The following TLL1 variants were observed in gnomAD, a reference collection of about 807,000 sequenced individuals.
TLL1 encodes the protein tolloid like 1.
In TLL1, 49 loss-of-function variants were observed where a neutral mutation model predicts 128.2. That is an observed-to-expected ratio of 0.38 (90% CI 0.30 to 0.48). The LOEUF (loss-of-function observed/expected upper bound fraction) is 0.48, where lower values mean the gene tolerates loss of function less well. Among genes scored for constraint, TLL1 ranks in the 20% least tolerant of loss-of-function variants. The pLI is 0.96. For synonymous variants in TLL1, 454 were observed against 418.8 expected, an observed-to-expected ratio of 1.08 and a Z score of -1.03; for missense variants, 1,123 against 1,242.0, an observed-to-expected ratio of 0.90 and a Z score of 1.44.
chr4:166,075,187 G>A (rs942249834), intron 17 of TLL1, among the ~76,000 whole-genome samples, 184 bp downstream of exon 17: 14 of 152,132 alleles, frequency 9.2e-5, no homozygotes, highest in African/African-American at 2.9e-4. Flanking sequence ...TCTGTACTTC[G>A]CACATAGATG....
intron 1 of TLL1, among the ~76,000 whole-genome samples, chr4:165,906,667 T>A (rs1284197234): frequency 2.0e-5 from 3 of 152,130 alleles, no homozygotes; most frequent in African/African-American, 7.2e-5. Flanking sequence ...TTATTGCAGT[T>A]TTTCAGGCTC....
At chr4:166,085,695 G>T (rs1294446829) in intron 18 of TLL1, among the ~76,000 whole-genome samples, 2 of 151,888 alleles carry the variant, frequency 1.3e-5, no homozygotes, top group Admixed American at 6.6e-5. Flanking sequence ...TTTTGTTGAA[G>T]GCTTTTCATC....
intron 1 of TLL1, among the ~76,000 whole-genome samples, chr4:165,940,618 A>C (rs187950848): frequency 6.6e-6 from 1 of 152,096 alleles, no homozygotes; most frequent in Non-Finnish European, 1.5e-5. Context: ...TTAATTGTTC[A>C]AAAAAATGTT....
rs1014504892 is a variant in TLL1, at chr4:165,873,711, G to A, written c.-194G>A. Reference sequence around the variant, plus strand: ...AGCCAACTTCTCCCTGCGACTGGGGGTAACAGGCAGTGCTTGCCCTCTCTA... The same window carrying A: ...AGCCAACTTCTCCCTGCGACTGGGGATAACAGGCAGTGCTTGCCCTCTCTA... On this transcript the variant is annotated 5_prime_UTR_variant, in exon 1 of 21. Coordinates refer to ENST00000061240, the MANE Select transcript of TLL1 (RefSeq NM_012464.5). The A allele has an allele frequency of 1.5e-5, 9 of 588,122 alleles. No individual in the cohort carries two copies. The highest frequency in any genetic ancestry group is 9.1e-4 in the Middle Eastern group (2 of 2,202). The allele number at this position is 588,122 out of a possible 1,614,324, so 36.4% of individuals were successfully genotyped here. A position where few individuals can be genotyped will look rare whatever the true frequency, so the allele number is the denominator to read the frequency against.
At chr4:166,071,925 G>A (rs527320507) in intron 16 of TLL1, among the ~76,000 whole-genome samples, 2 of 152,004 alleles carry the variant, frequency 1.3e-5, no homozygotes, top group African/African-American at 4.8e-5. Flanking sequence ...CTACTCCGCA[G>A]ACAAATTAAA....
chr4:165,891,971 A>G (rs1395050541), intron 1 of TLL1, among the ~76,000 whole-genome samples: 1 of 152,220 alleles, frequency 6.6e-6, no homozygotes, highest in Non-Finnish European at 1.5e-5. Context: ...TAATTTGTAA[A>G]GGAAAGAGGT....
At chr4:166,070,074 A>T in intron 16 of TLL1, among the ~76,000 whole-genome samples, 1 of 151,864 alleles carries the variant, frequency 6.6e-6, no homozygotes, top group East Asian at 1.9e-4. Context: ...TATATAGTCC[A>T]ACAATAGATT....
chr4:165,982,773 T>C (rs558216162), intron 1 of TLL1, among the ~76,000 whole-genome samples: 2 of 150,798 alleles, frequency 1.3e-5, no homozygotes, highest in African/African-American at 4.9e-5. Context: ...TGAACTGTCT[T>C]ACTTCCAGAA....
intron 1 of TLL1, among the ~76,000 whole-genome samples, chr4:165,898,856 C>T (rs1442268629): frequency 6.6e-6 from 1 of 152,080 alleles, no homozygotes; most frequent in Admixed American, 6.6e-5. Flanking sequence ...TCTGTCTGGT[C>T]CTGGGCTTTT....
At chr4:166,026,579 C>G (rs1413781762) in intron 9 of TLL1, among the ~76,000 whole-genome samples, 1 of 152,022 alleles carries the variant, frequency 6.6e-6, no homozygotes, top group Non-Finnish European at 1.5e-5. Flanking sequence ...CCCAGCTTCT[C>G]GAGAGGATGA....
intron 10 of TLL1, 139 bp downstream of exon 10, chr4:166,039,580 C>A (rs530729532): frequency 3.9e-5 from 26 of 668,438 alleles, no homozygotes; most frequent in East Asian, 3.3e-4. Context: ...ATACTTTTTT[C>A]AACCATACCA....
intron 5 of TLL1, 75 bp from the exon 6 acceptor site, chr4:166,003,316 A>G (rs2111033613): frequency 6.7e-7 from 1 of 1,495,708 alleles, no homozygotes; most frequent in Non-Finnish European, 9.3e-7. Context: ...ACTATTCTTT[A>G]CAAAAAATTC....
rs74709306 is a variant in TLL1, at chr4:165,960,038, A to C, written c.170-29343A>C. Among the ~76,000 whole-genome samples the C allele has an allele frequency of 5.2e-3, 791 of 152,258 alleles. 12 individuals are homozygous for C. The highest frequency in any genetic ancestry group is 0.018 in the African/African-American group (736 of 41,568). ...GACCCAAAAATCCATACAGAAGTTC[A>C]GCAAAATCAAGTTGGTTGTTTGAAA... On this transcript the variant is annotated intron_variant, in intron 1 of 20. Coordinates refer to ENST00000061240, the MANE Select transcript of TLL1 (RefSeq NM_012464.5).
rs1740223543 is a variant in TLL1, at chr4:166,059,936, G to T, written c.1847-92G>T. The T allele has an allele frequency of 2.8e-6, 4 of 1,449,014 alleles. No homozygotes were observed. The Admixed American group carries it at 6.7e-5, about 24-fold the overall frequency. 89.8% of individuals were successfully genotyped at this position (1,449,014 alleles called of 1,614,324 possible). A position where few individuals can be genotyped will look rare whatever the true frequency, so the allele number is the denominator to read the frequency against. ...ATCCAGAAGATAGTTGAAATTTAGT[G>T]CTGAGATGTTTGGGTATTAATTAAT... On this transcript the variant is annotated intron_variant, in intron 14 of 20. Transcript: ENST00000061240.
intron 18 of TLL1, among the ~76,000 whole-genome samples, chr4:166,080,851 T>C (rs1246614323): frequency 1.3e-5 from 2 of 152,150 alleles, no homozygotes; most frequent in African/African-American, 4.8e-5. Flanking sequence ...TATTTTACCC[T>C]TACCTTCTCT....
At chr4:166,065,919 T>G in intron 16 of TLL1, 56 bp downstream of exon 16, 1 of 1,223,570 alleles carries the variant, frequency 8.2e-7, no homozygotes, top group East Asian at 3.6e-5. Context: ...GTGGGTTGGA[T>G]TAAATTGTAT....
intron 2 of TLL1, among the ~76,000 whole-genome samples, 186 bp from the exon 3 acceptor site, chr4:165,992,618 T>C (rs543241318): frequency 2.6e-5 from 4 of 152,078 alleles, no homozygotes; most frequent in Admixed American, 6.6e-5. Context: ...CCCCTTATTT[T>C]AGTTACCAAC....
rs771556792 is a variant in TLL1, at chr4:166,099,511, G to A, written c.2891G>A (p.Arg964Gln). The A allele has an allele frequency of 1.9e-6, 3 of 1,612,832 alleles. No homozygotes were observed. The highest frequency in any genetic ancestry group is 1.3e-5 in the African/African-American group (1 of 74,824). The change falls in exon 20 of 21, where the codon CGA becomes CAA. Residue 964 changes from arginine to glutamine, a missense_variant. Physicochemically the swap from Arg to Gln is conservative, Grantham distance 43 (BLOSUM62 1). Coordinates refer to ENST00000061240, the MANE Select transcript of TLL1 (RefSeq NM_012464.5). ...GATTCAACAGCTGTGGGGCTTGGTC[G>A]ATTCTGTGGATCCGGGGTAAATATA... ...GLDSTAVGLG[R>Q]FCGSGPPEEI...
intron 18 of TLL1, among the ~76,000 whole-genome samples, chr4:166,090,298 A>G (rs2111157125): frequency 6.6e-6 from 1 of 152,178 alleles, no homozygotes; most frequent in South Asian, 2.1e-4. Context: ...ATAACCTGTA[A>G]TTTATGTAAT....
Sources: gnomAD v4.1 joint callset for allele counts (sites outside exome capture counted in the v4.1 genomes callset) on GRCh38, gnomAD v4.1.1 for gene constraint, MANE v1.5 for transcripts, NCBI Gene and HGNC (gene_info 2026-07-23, HGNC 2026-07-21) for gene names.